The following SYT9 variants were observed in gnomAD, a reference collection of about 807,000 sequenced individuals.
The protein encoded by SYT9 is synaptotagmin-9.
A neutral mutation model predicts 48.4 loss-of-function variants in SYT9; 22 were observed. The ratio of observed to expected loss-of-function variants is 0.45; its 90% CI spans 0.32 to 0.65. The LOEUF (loss-of-function observed/expected upper bound fraction) is 0.65. Ranked by LOEUF, SYT9 falls within the 30% of genes least tolerant of loss-of-function variation. The pLI is 0.03. For synonymous variants in SYT9, 265 were observed against 245.0 expected, an observed-to-expected ratio of 1.08 and a Z score of -0.76; for missense variants, 577 against 622.0, an observed-to-expected ratio of 0.93 and a Z score of 0.77.
At chr11:7,313,981 C>T (rs1187944838) in intron 3 of SYT9, 40 bp downstream of exon 3, 3 of 1,577,616 alleles carry the variant, frequency 1.9e-6, no homozygotes, top group Non-Finnish European at 2.6e-6. Flanking sequence ...TGGGGGGCAT[C>T]TTGGTTAGCA....
At chr11:7,269,652 A>T (rs1043798511) in intron 1 of SYT9, among the ~76,000 whole-genome samples, 1 of 152,006 alleles carries the variant, frequency 6.6e-6, no homozygotes, top group African/African-American at 2.4e-5. Flanking sequence ...CTCACTTTCG[A>T]CCTGAGTCTA....
At chr11:7,301,588 CCTT>C (rs1848921218) in intron 1 of SYT9, among the ~76,000 whole-genome samples, 1 of 152,188 alleles carries the variant, frequency 6.6e-6, no homozygotes, top group South Asian at 2.1e-4. Flanking sequence ...CTAATTTTCT[CCTT>C]CGTTAGAATA....
At chr11:7,411,841 T>C (rs764513045) in intron 3 of SYT9, among the ~76,000 whole-genome samples, 3 of 152,194 alleles carry the variant, frequency 2.0e-5, no homozygotes, top group Non-Finnish European at 4.4e-5. Context: ...ACACTGATAA[T>C]TAGAATATTG....
rs992984424 is a variant in SYT9 at position 7,252,907 on chromosome 11, G to A, written c.145+576G>A. On this transcript the variant is annotated intron_variant, in intron 1 of 6. Coordinates refer to ENST00000318881, the MANE Select transcript of SYT9 (RefSeq NM_175733.4). This position sits in a 1 kb window ranked among gnomAD's most constrained non-coding sequence, Gnocchi z 6.3. Reference sequence around the variant, plus strand: ...GCCTTGGGCAGACGGGCCTGAACCCGTTCCCGGCGGGTCGCACGGCATGGA... The same window carrying A: ...GCCTTGGGCAGACGGGCCTGAACCCATTCCCGGCGGGTCGCACGGCATGGA... 5.3e-5 allele frequency among the ~76,000 whole-genome samples: 8 copies of A among 152,248 alleles called. No individual in the cohort carries two copies. Among genetic ancestry groups the A allele is most frequent in the Admixed American group, 3.9e-4 (6 of 15,282 alleles).
intron 1 of SYT9, among the ~76,000 whole-genome samples, chr11:7,258,451 C>T (rs1203441254): frequency 6.6e-6 from 1 of 152,122 alleles, no homozygotes; most frequent in East Asian, 1.9e-4. Flanking sequence ...TAGACCACAT[C>T]AAATCCTGAG....
rs536028085 is a variant in SYT9 at position 7,336,721 on chromosome 11, T to TCC, written c.1044+22781_1044+22782insCC. Among the ~76,000 whole-genome samples the TCC allele has an allele frequency of 3.9e-4, 60 of 152,298 alleles. No individual in the cohort carries two copies. The South Asian group carries it at 0.012, about 32-fold the overall frequency. The stretch of plus-strand genomic sequence containing the variant: ...CTATGCATCTGTTTTTGTACCAGTA[T>TCC]CATGCTGTTTCAATTACTGTAGCCC... On this transcript the variant is annotated intron_variant, in intron 3 of 6. Transcript: ENST00000318881.
At chr11:7,316,609 A>G (rs531903587) in intron 3 of SYT9, among the ~76,000 whole-genome samples, 27 of 152,338 alleles carry the variant, frequency 1.8e-4, no homozygotes, top group Middle Eastern at 3.4e-3. Flanking sequence ...GAGATTTTGT[A>G]CACATCTTTT....
rs1455653665 is a variant in SYT9 at position 7,411,834 on chromosome 11, C to A, written c.1045-4208C>A. Among the ~76,000 whole-genome samples the A allele has an allele frequency of 6.6e-5, 10 of 152,140 alleles. No homozygotes were observed. In the East Asian group the frequency reaches 1.7e-3, roughly 26 times the overall value. On this transcript the variant is annotated intron_variant, in intron 3 of 6. Transcript: ENST00000318881. ...CATTCTCTCTTTGCCCTTGGGGACACTGATAATTAGAATATTGAGTCACTA... is the reference window on the plus strand; with the variant it reads ...CATTCTCTCTTTGCCCTTGGGGACAATGATAATTAGAATATTGAGTCACTA...
chr11:7,365,629 C>T (rs980776770), intron 3 of SYT9, among the ~76,000 whole-genome samples: 2 of 152,178 alleles, frequency 1.3e-5, no homozygotes, highest in Non-Finnish European at 2.9e-5. Context: ...AATGAATTAG[C>T]GAATTAAACT....
intron 1 of SYT9, among the ~76,000 whole-genome samples, chr11:7,272,898 T>G (rs1023236032): frequency 1.3e-5 from 2 of 152,150 alleles, no homozygotes; most frequent in Admixed American, 1.3e-4. Context: ...CATGTGACCT[T>G]AGGGACCCTC....
At chr11:7,284,030 C>G (rs925609898) in intron 1 of SYT9, among the ~76,000 whole-genome samples, 5 of 152,086 alleles carry the variant, frequency 3.3e-5, no homozygotes, top group African/African-American at 1.2e-4. Flanking sequence ...TTGTCATGTT[C>G]TAATTGACTT....
At chr11:7,373,692 T>G (rs1397650565) in intron 3 of SYT9, among the ~76,000 whole-genome samples, 1 of 152,086 alleles carries the variant, frequency 6.6e-6, no homozygotes, top group African/African-American at 2.4e-5. Context: ...CCCACCAGTT[T>G]CAACCTACAA....
chr11:7,461,699 C>A (rs1179822723), intron 6 of SYT9, among the ~76,000 whole-genome samples: 1 of 152,190 alleles, frequency 6.6e-6, no homozygotes, highest in Non-Finnish European at 1.5e-5. Context: ...GGGCTCAGCA[C>A]AAATGCCCGG....
At chr11:7,250,568 C>T (rs1564835683), upstream of SYT9, among the ~76,000 whole-genome samples, 2 of 152,088 alleles carry the variant, frequency 1.3e-5, no homozygotes, top group East Asian at 3.9e-4. Flanking sequence ...CCCCTACAGG[C>T]TCCCTTAAAG....
At chr11:7,296,824 T>C (rs6578845) in intron 1 of SYT9, among the ~76,000 whole-genome samples, 79,812 of 151,918 alleles carry the variant, frequency 0.53, 21,091 homozygotes, top group African/African-American at 0.57. Flanking sequence ...CTTAATACAA[T>C]GTTTCCTCAT....
chr11:7,438,681 A>G (rs1465115863), intron 6 of SYT9: 2 of 152,136 alleles, frequency 1.3e-5, no homozygotes, highest in Non-Finnish European at 1.5e-5. Context: ...GTCTTTTGCC[A>G]CCATCCAAGC....
At chr11:7,305,306 C>T (rs1038225958) in intron 2 of SYT9, among the ~76,000 whole-genome samples, 2 of 152,164 alleles carry the variant, frequency 1.3e-5, no homozygotes, top group African/African-American at 4.8e-5. Context: ...GAAAACTACT[C>T]TTTTCTAGCT....
At chr11:7,340,691 C>T (rs1466078704) in intron 3 of SYT9, among the ~76,000 whole-genome samples, 3 of 152,186 alleles carry the variant, frequency 2.0e-5, no homozygotes, top group African/African-American at 7.2e-5. Context: ...TGCCTGCAGA[C>T]TCTCTAGAGC....
intron 1 of SYT9, among the ~76,000 whole-genome samples, chr11:7,293,651 T>C (rs917488575): frequency 1.3e-5 from 2 of 152,194 alleles, no homozygotes; most frequent in African/African-American, 4.8e-5. Context: ...CCACATAATA[T>C]GAGAGCTATG....
Sources: allele counts gnomAD v4.1 joint callset (sites outside exome capture counted in the v4.1 genomes callset), GRCh38; gene constraint gnomAD v4.1.1; non-coding constraint Gnocchi (gnomAD v3.1); transcripts MANE v1.5; gene names NCBI Gene and HGNC (gene_info 2026-07-23, HGNC 2026-07-21).